Variants in COL25A1 observed in about 807,000 individuals in gnomAD.
COL25A1 encodes the protein collagen alpha-1(XXV) chain.
Under a neutral mutation model 128.4 loss-of-function variants are expected in COL25A1, and 103 were observed. That is an observed-to-expected ratio of 0.80 (90% CI 0.68 to 0.94). The LOEUF (loss-of-function observed/expected upper bound fraction) is 0.94. Among genes scored for constraint, COL25A1 ranks in the 40% least tolerant of loss-of-function variants. The pLI, the probability that COL25A1 is intolerant of heterozygous loss-of-function variation, is 0.00. For synonymous variants in COL25A1, 279 were observed against 277.2 expected (o/e 1.01, Z -0.06); for missense variants, 745 against 840.0 (o/e 0.89, Z 1.40).
intron 3 of COL25A1, among the ~76,000 whole-genome samples, chr4:109,157,180 T>C (rs888823260): frequency 5.5e-4 from 84 of 152,182 alleles, no homozygotes; most frequent in Non-Finnish European, 4.4e-4. Context: ...CTGTGTCTTA[T>C]GGATATTCTC....
rs963418320 is a variant in COL25A1 at position 108,811,119 on chromosome 4, T to C, written c.*2808A>G. 1.3e-5 allele frequency: 2 copies of C among 152,052 alleles called. No homozygotes were observed. Among genetic ancestry groups the C allele is most frequent in the Non-Finnish European group, 2.9e-5 (2 of 67,904 alleles). 9.4% of individuals were successfully genotyped at this position (152,052 alleles called of 1,614,324 possible). A position where few individuals can be genotyped will look rare whatever the true frequency, so the allele number is the denominator to read the frequency against. On this transcript the variant is annotated 3_prime_UTR_variant, in exon 38 of 38. Coordinates refer to ENST00000399132, the MANE Select transcript of COL25A1 (RefSeq NM_198721.4). ...GGAAAGTATATTATCTATCAACACA[T>C]ATCAACAAACACAATTCTTTCATTC...
In COL25A1 at chr4:109,114,675, G is replaced by A. The variant is rs149336850; in HGVS notation, c.368-64496C>T. Reference sequence around the variant, plus strand: ...TACCAAGAATATCAACGTGACATACGGGAATTTCATTTTTGGCAGGTACTA... The same window carrying A: ...TACCAAGAATATCAACGTGACATACAGGAATTTCATTTTTGGCAGGTACTA... On this transcript the variant is annotated intron_variant, in intron 3 of 37. Coordinates refer to ENST00000399132, the MANE Select transcript of COL25A1 (RefSeq NM_198721.4). 7.8e-4 allele frequency among the ~76,000 whole-genome samples: 118 copies of A among 152,168 alleles called. No individual in the cohort carries two copies. The East Asian group carries it at 0.015, about 20-fold the overall frequency.
rs1553931003 is a variant in COL25A1 at position 109,093,462 on chromosome 4, A to AAAAAAACAAC, written c.368-43284_368-43283insGTTGTTTTTT. Among the ~76,000 whole-genome samples the AAAAAAACAAC allele has an allele frequency of 1.6e-3, 237 of 149,174 alleles. 1 individual carries two copies. The highest frequency in any genetic ancestry group is 5.6e-3 in the African/African-American group (228 of 40,408). On this transcript the variant is annotated intron_variant, in intron 3 of 37. Coordinates refer to ENST00000399132, the MANE Select transcript of COL25A1 (RefSeq NM_198721.4). ...CAGCAAGACTCCATCTCTATGAAAA[A>AAAAAAACAAC]AAAAAAAAAAAAAACCTTTTTTAAA...
chr4:109,079,774 A>C (rs1030597140), intron 3 of COL25A1, among the ~76,000 whole-genome samples: 6 of 151,826 alleles, frequency 4.0e-5, no homozygotes, highest in African/African-American at 1.2e-4. Flanking sequence ...CTTCCTGAAA[A>C]GTCTTATTTA....
intron 3 of COL25A1, among the ~76,000 whole-genome samples, chr4:109,281,554 A>C (rs542786900): frequency 4.9e-4 from 74 of 152,274 alleles, no homozygotes; most frequent in Middle Eastern, 6.8e-3. Flanking sequence ...TCCACCAGTC[A>C]AACCACCTTA....
intron 3 of COL25A1, among the ~76,000 whole-genome samples, chr4:109,199,059 G>T (rs950818247): frequency 6.6e-6 from 1 of 152,124 alleles, no homozygotes; most frequent in Admixed American, 6.6e-5. Flanking sequence ...GCCAAGTTCA[G>T]ATCTTTTCTT....
intron 3 of COL25A1, among the ~76,000 whole-genome samples, chr4:109,140,033 T>C (rs537001126): frequency 9.8e-5 from 15 of 152,340 alleles, no homozygotes; most frequent in African/African-American, 3.1e-4. Flanking sequence ...TAGTATTCCA[T>C]GGTGTATATG....
intron 3 of COL25A1, among the ~76,000 whole-genome samples, chr4:109,298,853 G>A (rs1037712113): frequency 2.0e-5 from 3 of 151,988 alleles, no homozygotes; most frequent in African/African-American, 7.3e-5. Flanking sequence ...AAGAGGTAAA[G>A]CAGCTATTAG....
chr4:108,961,370 G>A (rs555981792), intron 8 of COL25A1, among the ~76,000 whole-genome samples: 2 of 152,300 alleles, frequency 1.3e-5, no homozygotes, highest in East Asian at 3.9e-4. Flanking sequence ...ATGAGATACA[G>A]TACAATATTT....
intron 6 of COL25A1, among the ~76,000 whole-genome samples, chr4:108,983,303 T>C (rs763842948): frequency 2.6e-5 from 4 of 152,222 alleles, no homozygotes; most frequent in East Asian, 1.9e-4. Context: ...TTTAATGCCC[T>C]AGTAGCCCTG....
intron 6 of COL25A1, among the ~76,000 whole-genome samples, chr4:108,994,526 G>T (rs1754554652): frequency 6.6e-6 from 1 of 152,224 alleles, no homozygotes; most frequent in African/African-American, 2.4e-5. Context: ...TTCTACCTCT[G>T]TGGGCAGGGC....
chr4:109,166,620 C>T (rs1478972937), intron 3 of COL25A1, among the ~76,000 whole-genome samples: 1 of 152,174 alleles, frequency 6.6e-6, no homozygotes, highest in South Asian at 2.1e-4. Flanking sequence ...ATGGGATTTG[C>T]ACTCCACTGA....
rs115784232 is a variant in COL25A1 at position 109,010,818 on chromosome 4, T to C, written c.421-443A>G. Among the ~76,000 whole-genome samples, 356 of 152,372 alleles carry C rather than the reference T, an allele frequency of 2.3e-3. 1 individual carries two copies. The highest frequency in any genetic ancestry group is 7.9e-3 in the African/African-American group (328 of 41,592). ...TACGTTTTAAAAAAACAAAGGCAGA[T>C]ACTTTAGTGTTAGAGCTCATCAAGT... On this transcript the variant is annotated intron_variant, in intron 5 of 37. Transcript: ENST00000399132.
chr4:109,262,932 G>A (rs1578580767), intron 3 of COL25A1, among the ~76,000 whole-genome samples: 2 of 151,952 alleles, frequency 1.3e-5, no homozygotes, highest in Non-Finnish European at 2.9e-5. Flanking sequence ...GAGCTCGAGA[G>A]CAGCCTGACC....
At chr4:108,819,885 T>C in intron 35 of COL25A1, 7 of 1,229,090 alleles carry the variant, frequency 5.7e-6, no homozygotes, top group Non-Finnish European at 7.1e-6. Context: ...TTTGCCTTTC[T>C]TTCCCTTTTC....
chr4:108,856,777 G>T (rs1377208), intron 24 of COL25A1, among the ~76,000 whole-genome samples: 117,813 of 151,974 alleles, frequency 0.78, 46,393 homozygotes, highest in South Asian at 0.88. Flanking sequence ...GAAGTATATC[G>T]TTTCATATTG....
At chr4:109,011,865 T>A (rs980071016) in intron 5 of COL25A1, among the ~76,000 whole-genome samples, 2 of 152,254 alleles carry the variant, frequency 1.3e-5, no homozygotes, top group African/African-American at 2.4e-5. Flanking sequence ...CATGAATCTT[T>A]GCTTCCAGAA....
At chr4:108,938,939 T>C (rs1474788736) in intron 10 of COL25A1, among the ~76,000 whole-genome samples, 1 of 152,250 alleles carries the variant, frequency 6.6e-6, no homozygotes, top group Non-Finnish European at 1.5e-5. Flanking sequence ...GTTATATTTC[T>C]GAAAATTTTA....
chr4:109,089,796 G>C (rs1015116812), intron 3 of COL25A1, among the ~76,000 whole-genome samples: 1 of 151,954 alleles, frequency 6.6e-6, no homozygotes, highest in Non-Finnish European at 1.5e-5. Flanking sequence ...AGTTGAGATG[G>C]GGTTTTGCCA....
Sources: allele counts gnomAD v4.1 joint callset (sites outside exome capture counted in the v4.1 genomes callset), GRCh38; gene constraint gnomAD v4.1.1; transcripts MANE v1.5; gene names NCBI Gene and HGNC (gene_info 2026-07-23, HGNC 2026-07-21).